Variants in PLEKHM1 observed in about 807,000 individuals in gnomAD.
PLEKHM1 encodes the protein pleckstrin homology and RUN domain containing M1.
In PLEKHM1, 28 loss-of-function variants were observed where a neutral mutation model predicts 94.3. That is an observed-to-expected ratio of 0.30 (90% CI 0.22 to 0.41). The LOEUF (loss-of-function observed/expected upper bound fraction) is 0.41. Among genes scored for constraint, PLEKHM1 ranks in the 10% least tolerant of loss-of-function variants. The pLI is 1.00. For missense variants in PLEKHM1, 907 were observed against 1,358.6 expected, an observed-to-expected ratio of 0.67 and a Z score of 5.22; for synonymous variants, 424 against 581.2, an observed-to-expected ratio of 0.73 and a Z score of 3.89.
intron 1 of PLEKHM1, among the ~76,000 whole-genome samples, chr17:45,490,234 T>C (rs1416646943): frequency 1.3e-5 from 2 of 148,604 alleles, no homozygotes; most frequent in African/African-American, 5.0e-5. Flanking sequence ...AGGGGAAACC[T>C]GAATGGTGGG....
downstream of PLEKHM1, among the ~76,000 whole-genome samples, chr17:45,435,132 G>A (rs1346678371): frequency 6.6e-6 from 1 of 152,014 alleles, no homozygotes; most frequent in African/African-American, 2.4e-5. Context: ...CTCTTCTCCG[G>A]GCCTACCATC....
intron 1 of PLEKHM1, among the ~76,000 whole-genome samples, 192 bp from the exon 2 acceptor site, chr17:45,482,717 A>C (rs2051993774): frequency 6.6e-6 from 1 of 152,216 alleles, no homozygotes; most frequent in African/African-American, 2.4e-5. Flanking sequence ...CAGGGGGCTT[A>C]GTCGTTGGGA....
chr17:45,481,864 CA>C (rs1349461959), intron 2 of PLEKHM1, among the ~76,000 whole-genome samples: 1 of 152,150 alleles, frequency 6.6e-6, no homozygotes. Context: ...AAAGCCATCT[CA>C]GGATGCTGCT....
At chr17:45,476,613 A>G (rs976729235) in intron 3 of PLEKHM1, among the ~76,000 whole-genome samples, 7 of 152,138 alleles carry the variant, frequency 4.6e-5, no homozygotes, top group African/African-American at 1.4e-4. Flanking sequence ...TGGGACCCCA[A>G]CCTAGTGAAT....
At chr17:45,484,648 C>A (rs2052053721) in intron 1 of PLEKHM1, among the ~76,000 whole-genome samples, 1 of 152,220 alleles carries the variant, frequency 6.6e-6, no homozygotes, top group Non-Finnish European at 1.5e-5. Context: ...CAGGTCATGG[C>A]CCTCACATTT....
intron 1 of PLEKHM1, among the ~76,000 whole-genome samples, chr17:45,489,841 G>A (rs2052252453): frequency 6.6e-6 from 1 of 152,152 alleles, no homozygotes; most frequent in Admixed American, 6.6e-5. Context: ...GCAGAGTTGG[G>A]GTGAAGAGTT....
In PLEKHM1 at chr17:45,445,432, T is replaced by G. The variant is rs776705227; in HGVS notation, c.2837+38A>C. On this transcript the variant is annotated intron_variant, in intron 9 of 11. Transcript: ENST00000430334. This position sits in a 1 kb window ranked among gnomAD's most constrained non-coding sequence, Gnocchi z 4.2. Reference sequence around the variant, plus strand: ...GTTTGTGTGCATGCATGTGCGTGTGTACGTGCACTCACACGCATACACGTA... The same window carrying G: ...GTTTGTGTGCATGCATGTGCGTGTGGACGTGCACTCACACGCATACACGTA... 1.9e-6 allele frequency: 3 copies of G among 1,568,160 alleles called. No homozygotes were observed. Among genetic ancestry groups the G allele is most frequent in the Admixed American group, 3.3e-5 (2 of 59,900 alleles).
chr17:45,474,380 T>C (rs2051634125), intron 4 of PLEKHM1, among the ~76,000 whole-genome samples: 1 of 152,076 alleles, frequency 6.6e-6, no homozygotes, highest in Non-Finnish European at 1.5e-5. Context: ...TAAAAGGCTG[T>C]GTGAAGAAGG....
chr17:45,468,095 G>A, intron 5 of PLEKHM1, 114 bp downstream of exon 5: 1 of 1,229,778 alleles, frequency 8.1e-7, no homozygotes, highest in African/African-American at 1.5e-5. Flanking sequence ...CACTATGCAG[G>A]GAGAGGAAGG....
chr17:45,452,403 G>C (rs1079432), intron 7 of PLEKHM1, among the ~76,000 whole-genome samples: 1 of 138,394 alleles, frequency 7.2e-6, no homozygotes, highest in East Asian at 2.0e-4. Flanking sequence ...GAGCAACAGG[G>C]GGAGACCCCA....
At chr17:45,467,693 G>C (rs1445014294) in intron 5 of PLEKHM1, among the ~76,000 whole-genome samples, 2 of 152,116 alleles carry the variant, frequency 1.3e-5, no homozygotes, top group African/African-American at 2.4e-5. Context: ...CCCAGGAGGC[G>C]AAGGTGGCAG....
chr17:45,486,174 G>A (rs1476563046), intron 1 of PLEKHM1, among the ~76,000 whole-genome samples: 5 of 145,294 alleles, frequency 3.4e-5, no homozygotes, highest in Non-Finnish European at 7.5e-5. Flanking sequence ...CCGAGATCCC[G>A]CCACTGCACT....
chr17:45,485,948 G>A (rs1444958052), intron 1 of PLEKHM1, among the ~76,000 whole-genome samples: 3 of 151,192 alleles, frequency 2.0e-5, no homozygotes, highest in Non-Finnish European at 2.9e-5. Context: ...ATGGCGCCGT[G>A]GCTCACGCCT....
downstream of PLEKHM1, chr17:45,434,328 T>C (rs1051320945): frequency 1.3e-5 from 2 of 152,186 alleles, no homozygotes; most frequent in African/African-American, 2.4e-5. Context: ...TTCTGCCTTA[T>C]CTCTGCAGCT....
chr17:45,464,552 G>C lies in PLEKHM1; in HGVS notation c.1308+3657C>G, dbSNP rs1554464. Among the ~76,000 whole-genome samples, 932 of 152,218 alleles carry C rather than the reference G, an allele frequency of 6.1e-3. 6 individuals are homozygous for C. The highest frequency in any genetic ancestry group is 0.021 in the African/African-American group (887 of 41,534). ...CCAGGAGCCCAGCAGGCCCACATGA[G>C]CTGGCAGGCTATTCAGTGGCACCTG... is the stretch of plus-strand genomic sequence containing the variant. On this transcript the variant is annotated intron_variant, in intron 5 of 11. Transcript: ENST00000430334.
intron 1 of PLEKHM1, among the ~76,000 whole-genome samples, chr17:45,489,314 A>G (rs1412821325): frequency 6.6e-6 from 1 of 152,238 alleles, no homozygotes; most frequent in African/African-American, 2.4e-5. Flanking sequence ...CTGATCTGCC[A>G]TCAGCTCTGG....
intron 8 of PLEKHM1, among the ~76,000 whole-genome samples, chr17:45,449,180 C>T (rs567330609): frequency 6.6e-6 from 1 of 151,042 alleles, no homozygotes; most frequent in African/African-American, 2.4e-5. Context: ...TCACCTGGGC[C>T]TCATAGGGTT....
intron 3 of PLEKHM1, chr17:45,476,017 C>T (rs1212632398): frequency 4.6e-5 from 22 of 475,056 alleles, no homozygotes; most frequent in South Asian, 3.7e-4. Flanking sequence ...GTGGCTTGCA[C>T]GTGTAGTCCC....
At chr17:45,473,716 G>A (rs999229879) in intron 4 of PLEKHM1, among the ~76,000 whole-genome samples, 3 of 151,810 alleles carry the variant, frequency 2.0e-5, no homozygotes, top group Non-Finnish European at 4.4e-5. Flanking sequence ...CCGCCACCAC[G>A]CCCGGCTAAT....
Sources: allele counts gnomAD v4.1 joint callset (sites outside exome capture counted in the v4.1 genomes callset), GRCh38; gene constraint gnomAD v4.1.1; non-coding constraint Gnocchi (gnomAD v3.1); transcripts MANE v1.5; gene names NCBI Gene and HGNC (gene_info 2026-07-23, HGNC 2026-07-21).